The following DGKI variants were observed in gnomAD, a reference collection of about 807,000 sequenced individuals.
The protein encoded by DGKI is diacylglycerol kinase iota, also known as DAG kinase iota.
DGKI carries 55 observed loss-of-function variants against 147.5 expected under a neutral mutation model. The ratio of observed to expected loss-of-function variants is 0.37; its 90% CI spans 0.30 to 0.47. DGKI has a LOEUF of 0.47. Ranked by LOEUF, DGKI falls within the 20% of genes least tolerant of loss-of-function variation. The pLI is 1.00. For synonymous variants in DGKI, 469 were observed against 477.1 expected, an observed-to-expected ratio of 0.98 and a Z score of 0.22; for missense variants, 1,007 against 1,323.8, an observed-to-expected ratio of 0.76 and a Z score of 3.71.
intron 1 of DGKI, among the ~76,000 whole-genome samples, chr7:137,707,935 G>GT (rs1309912505): frequency 2.6e-5 from 4 of 152,210 alleles, no homozygotes; most frequent in South Asian, 4.2e-4. Context: ...GTTTTGTTTT[G>GT]TTTTTTGCCT....
At chr7:137,697,656 C>T (rs532970748) in intron 1 of DGKI, among the ~76,000 whole-genome samples, 6 of 152,154 alleles carry the variant, frequency 3.9e-5, no homozygotes, top group African/African-American at 1.4e-4. Flanking sequence ...ACTATCAGCA[C>T]CTCTATCAGT....
intron 27 of DGKI, among the ~76,000 whole-genome samples, chr7:137,458,301 G>A (rs916228159): frequency 3.3e-5 from 5 of 152,110 alleles, no homozygotes; most frequent in African/African-American, 9.7e-5. Flanking sequence ...GCAGCTGATC[G>A]GGTACCAGAT....
chr7:137,741,710 C>A (rs945173815), intron 1 of DGKI, among the ~76,000 whole-genome samples: 2 of 152,170 alleles, frequency 1.3e-5, no homozygotes, highest in African/African-American at 2.4e-5. Context: ...AATGACAGTA[C>A]CTCATGGGCA....
rs1430071512 is a variant in DGKI at position 137,723,395 on chromosome 7, CT to C, written c.402-33394del. On this transcript the variant is annotated intron_variant, in intron 1 of 32. Coordinates refer to ENST00000614521, the MANE Select transcript of DGKI (RefSeq NM_001321708.2). ...GGCAGACTCACTGTTGTTTCCAAGG[CT>C]GTCAAAATAAAAAGCCACGCAAATC... Among the ~76,000 whole-genome samples, 6 of 152,296 alleles carry C rather than the reference CT, an allele frequency of 3.9e-5. No homozygotes were observed. The South Asian group carries it at 1.2e-3, about 32-fold the overall frequency.
chr7:137,560,663 C>T (rs1818390014), intron 19 of DGKI, among the ~76,000 whole-genome samples: 1 of 152,136 alleles, frequency 6.6e-6, no homozygotes. Context: ...CCAATGTAGT[C>T]TCAATGGTCC....
At chr7:137,500,570 C>T (rs1428911845) in intron 21 of DGKI, among the ~76,000 whole-genome samples, 6 of 151,980 alleles carry the variant, frequency 3.9e-5, no homozygotes, top group Admixed American at 3.9e-4. Context: ...TAAAACATAA[C>T]AAAATATAAT....
intron 1 of DGKI, among the ~76,000 whole-genome samples, chr7:137,799,772 TACA>T (rs898410818): frequency 2.6e-5 from 4 of 152,202 alleles, no homozygotes; most frequent in African/African-American, 9.6e-5. Context: ...AGAGATTAAT[TACA>T]ACATCTCCCA....
intron 1 of DGKI, among the ~76,000 whole-genome samples, chr7:137,761,279 A>G (rs1388119127): frequency 1.3e-5 from 2 of 152,172 alleles, no homozygotes; most frequent in Non-Finnish European, 2.9e-5. Flanking sequence ...GTGGTGGTCA[A>G]CACACAGGAC....
chr7:137,441,229 G>A (rs538713590), intron 28 of DGKI, among the ~76,000 whole-genome samples: 1 of 152,006 alleles, frequency 6.6e-6, no homozygotes, highest in East Asian at 1.9e-4. Flanking sequence ...GACCATCCTG[G>A]CTAACACGGT....
chr7:137,721,961 T>G (rs572386461), intron 1 of DGKI: 3 of 1,373,282 alleles, frequency 2.2e-6, no homozygotes, highest in African/African-American at 1.5e-5. Context: ...AAGTATAGCA[T>G]AGTGAGCTCT....
At chr7:137,505,948 C>T (rs536174874) in intron 21 of DGKI, among the ~76,000 whole-genome samples, 1 of 149,808 alleles carries the variant, frequency 6.7e-6, no homozygotes. Context: ...TTAAAAAAAA[C>T]CACCACCACC....
intron 19 of DGKI, among the ~76,000 whole-genome samples, chr7:137,560,282 G>C (rs976825243): frequency 1.3e-5 from 2 of 152,150 alleles, no homozygotes; most frequent in Non-Finnish European, 2.9e-5. Flanking sequence ...GAAAAACAGA[G>C]ACAGAAATGT....
chr7:137,565,759 G>A (rs1024647195), intron 19 of DGKI, among the ~76,000 whole-genome samples: 5 of 152,052 alleles, frequency 3.3e-5, no homozygotes, highest in African/African-American at 7.2e-5. Context: ...AGAAAATTGT[G>A]GCAGAAATAA....
chr7:137,498,915 C>G (rs188435555), intron 21 of DGKI, among the ~76,000 whole-genome samples: 1 of 152,248 alleles, frequency 6.6e-6, no homozygotes, highest in Non-Finnish European at 1.5e-5. Flanking sequence ...ATAGCTAGAA[C>G]TCAACTTAAC....
At chr7:137,669,060 G>C (rs1384137598) in intron 3 of DGKI, among the ~76,000 whole-genome samples, 1 of 152,140 alleles carries the variant, frequency 6.6e-6, no homozygotes, top group African/African-American at 2.4e-5. Context: ...GGCTTAACGA[G>C]GTTAAAACAA....
rs368274430 is a variant in DGKI at position 137,395,591 on chromosome 7, G to A, written c.3057+7C>T. On this transcript the variant is annotated splice_region_variant and intron_variant, in intron 32 of 32. Coordinates refer to ENST00000614521, the MANE Select transcript of DGKI (RefSeq NM_001321708.2). ...GGGAGGATGTTTGCACTCACTCATCGAGTTACCTTGGAGTCCGTCTTTCTC... is the reference window on the plus strand; with the variant it reads ...GGGAGGATGTTTGCACTCACTCATCAAGTTACCTTGGAGTCCGTCTTTCTC... 47 of 1,613,188 alleles carry A rather than the reference G, an allele frequency of 2.9e-5. No homozygotes were observed. Among genetic ancestry groups the A allele is most frequent in the African/African-American group, 4.0e-5 (3 of 74,934 alleles).
intron 1 of DGKI, among the ~76,000 whole-genome samples, chr7:137,701,790 T>C (rs1194493725): frequency 6.6e-6 from 1 of 151,984 alleles, no homozygotes; most frequent in African/African-American, 2.4e-5. Context: ...ATCAACACAA[T>C]CTCTATCCAA....
At chr7:137,601,344 T>G (rs967878960) in intron 10 of DGKI, among the ~76,000 whole-genome samples, 4 of 152,098 alleles carry the variant, frequency 2.6e-5, no homozygotes, top group Admixed American at 6.5e-5. Flanking sequence ...TAAAAATCAG[T>G]AGGATGCCCC....
At chr7:137,601,221 A>C (rs1471864323) in intron 10 of DGKI, among the ~76,000 whole-genome samples, 2 of 152,092 alleles carry the variant, frequency 1.3e-5, no homozygotes, top group Admixed American at 1.3e-4. Flanking sequence ...CAGTGAGCCG[A>C]AATAGCGCCA....
Sources: allele counts gnomAD v4.1 joint callset (sites outside exome capture counted in the v4.1 genomes callset), GRCh38; gene constraint gnomAD v4.1.1; transcripts MANE v1.5; gene names NCBI Gene and HGNC (gene_info 2026-07-23, HGNC 2026-07-21).